The following MCC variants were observed in gnomAD, a reference collection of about 807,000 sequenced individuals.
MCC encodes colorectal mutant cancer protein.
In MCC, 90 loss-of-function variants were observed where a neutral mutation model predicts 116.2. That is an observed-to-expected ratio of 0.77 (90% CI 0.65 to 0.92). The LOEUF (loss-of-function observed/expected upper bound fraction) is 0.92. Ranked by LOEUF, MCC falls within the 40% of genes least tolerant of loss-of-function variation. The pLI, the probability that MCC is intolerant of heterozygous loss-of-function variation, is 0.00. For synonymous variants in MCC, 578 were observed against 510.5 expected (o/e 1.13, Z -1.78); for missense variants, 1,516 against 1,312.2 (o/e 1.16, Z -2.40).
At chr5:113,383,720 A>T (rs995477439) in intron 2 of MCC, among the ~76,000 whole-genome samples, 6 of 152,138 alleles carry the variant, frequency 3.9e-5, no homozygotes, top group Non-Finnish European at 8.8e-5. Flanking sequence ...AAGTATTTCT[A>T]CATATTATGT....
chr5:113,430,725 T>C (rs747639529), intron 1 of MCC, among the ~76,000 whole-genome samples: 1 of 152,124 alleles, frequency 6.6e-6, no homozygotes, highest in Non-Finnish European at 1.5e-5. Flanking sequence ...TCTGGTTGAA[T>C]GTGAAAAATA....
chr5:113,354,782 G>GTATTAT lies in MCC; in HGVS notation c.416-14058_416-14053dup, dbSNP rs753455923. 4.4e-4 allele frequency among the ~76,000 whole-genome samples: 31 copies of GTATTAT among 70,838 alleles called. No individual in the cohort carries two copies. In the East Asian group the frequency reaches 5.5e-3, roughly 13 times the overall value. 46.5% of individuals were successfully genotyped at this position (70,838 alleles called of 152,430 possible). On this transcript the variant is annotated intron_variant, in intron 2 of 18. Coordinates refer to ENST00000408903, the MANE Select transcript of MCC (RefSeq NM_001085377.2). ...TGTACTATGATCAACCATATACCCTGTATTATTATTATTATTATTATTATT... is the reference window on the plus strand; with the variant it reads ...TGTACTATGATCAACCATATACCCTGTATTATTATTATTATTATTATTATTATTATT...
At chr5:113,474,295 A>T (rs1259629703) in intron 1 of MCC, among the ~76,000 whole-genome samples, 1 of 152,198 alleles carries the variant, frequency 6.6e-6, no homozygotes, top group Non-Finnish European at 1.5e-5. Context: ...GCAAGGTACT[A>T]GGGCATCAGG....
intron 3 of MCC, among the ~76,000 whole-genome samples, chr5:113,320,225 C>A (rs1372488340): frequency 6.6e-6 from 1 of 151,962 alleles, no homozygotes; most frequent in Non-Finnish European, 1.5e-5. Flanking sequence ...CCAGAAAAAA[C>A]CCACATTCAT....
At chr5:113,063,913 T>G (rs1753397127) in intron 14 of MCC, 71 bp downstream of exon 14, 1 of 1,508,370 alleles carries the variant, frequency 6.6e-7, no homozygotes, top group African/African-American at 1.4e-5. Flanking sequence ...GCTGGGTCAC[T>G]GCACACCAAG....
intron 5 of MCC, among the ~76,000 whole-genome samples, chr5:113,125,034 A>C (rs76938879): frequency 0.061 from 9,240 of 152,312 alleles, 353 homozygotes; most frequent in East Asian, 0.11. Context: ...GGGAACGTGC[A>C]GAACTTGGAG....
intron 3 of MCC, among the ~76,000 whole-genome samples, chr5:113,330,280 T>C (rs1480214802): frequency 1.3e-5 from 2 of 152,244 alleles, no homozygotes; most frequent in Non-Finnish European, 2.9e-5. Flanking sequence ...TCCTGAATCA[T>C]TCTTTGCTCA....
intron 1 of MCC, among the ~76,000 whole-genome samples, chr5:113,470,321 A>C (rs1359251995): frequency 6.6e-6 from 1 of 151,914 alleles, no homozygotes; most frequent in Non-Finnish European, 1.5e-5. Context: ...GGCTGGTACC[A>C]GTTGTTCCTT....
chr5:113,319,552 A>C (rs187023000), intron 3 of MCC, among the ~76,000 whole-genome samples: 167 of 152,344 alleles, frequency 1.1e-3, no homozygotes, highest in African/African-American at 3.9e-3. Context: ...GAGCTGGACC[A>C]AGAGAAGATG....
intron 2 of MCC, among the ~76,000 whole-genome samples, chr5:113,349,164 A>T (rs997050573): frequency 5.9e-5 from 9 of 152,090 alleles, no homozygotes; most frequent in Non-Finnish European, 2.9e-5. Context: ...TGTTCAAAAA[A>T]ATAGAGGAGG....
At position 113,388,258 on chromosome 5, in the gene MCC, G is replaced by A. The variant is rs76831334; in HGVS notation, c.171-3046C>T. Among the ~76,000 whole-genome samples, 186 of 152,284 alleles carry A rather than the reference G, an allele frequency of 1.2e-3. 1 individual carries two copies. The highest frequency in any genetic ancestry group is 4.1e-3 in the African/African-American group (172 of 41,554). On this transcript the variant is annotated intron_variant, in intron 1 of 18. Coordinates refer to ENST00000408903, the MANE Select transcript of MCC (RefSeq NM_001085377.2). Reference sequence around the variant, plus strand: ...TCTACCAAATTAAGTCAAATTGTAAGTTTTAAATAGAAGTACTAGTTTTTA... The same window carrying A: ...TCTACCAAATTAAGTCAAATTGTAAATTTTAAATAGAAGTACTAGTTTTTA...
intron 3 of MCC, among the ~76,000 whole-genome samples, chr5:113,190,955 A>T (rs1762125077): frequency 6.6e-6 from 1 of 152,222 alleles, no homozygotes; most frequent in South Asian, 2.1e-4. Flanking sequence ...GATGGAGTGG[A>T]GGGCAGAGCA....
chr5:113,055,500 G>A (rs1240432544), intron 14 of MCC, among the ~76,000 whole-genome samples: 2 of 152,218 alleles, frequency 1.3e-5, no homozygotes, highest in Non-Finnish European at 2.9e-5. Flanking sequence ...CTGTTCACAG[G>A]AGGAAGAGGC....
At chr5:113,093,488 TCTCA>T (rs1388547563) in intron 8 of MCC, among the ~76,000 whole-genome samples, 7 of 151,908 alleles carry the variant, frequency 4.6e-5, no homozygotes, top group East Asian at 1.9e-4. Flanking sequence ...TCTCTCTCTC[TCTCA>T]ATCAATCCAA....
chr5:113,488,411 T>C lies in MCC; in HGVS notation c.4A>G (p.Met2Val). The change falls in exon 1 of 19, where the codon ATG (methionine) becomes GTG (valine). Residue 2 changes from methionine (M) to valine (V), a missense_variant. Met to Val is a conservative substitution (Grantham distance 21, BLOSUM62 1). Transcript: ENST00000408903. ...GCAGCCGCTGCCGCCGCGGCCGCCA[T>C]CATGCGCCCGCTCCCTACTTGGGAG... M[M>V]AAAAAAAAGS... The C allele has an allele frequency of 7.1e-7, 1 of 1,398,702 alleles. No individual in the cohort carries two copies. The allele number at this position is 1,398,702 out of a possible 1,614,324, so 86.6% of individuals were successfully genotyped here.
At chr5:113,382,162 C>A (rs1159601708) in intron 2 of MCC, among the ~76,000 whole-genome samples, 1 of 152,010 alleles carries the variant, frequency 6.6e-6, no homozygotes, top group Non-Finnish European at 1.5e-5. Context: ...CCCTCCACCC[C>A]CAGAAGGGAG....
chr5:113,453,168 A>G (rs1346675571), intron 1 of MCC, among the ~76,000 whole-genome samples: 5 of 152,120 alleles, frequency 3.3e-5, no homozygotes, highest in East Asian at 1.9e-4. Context: ...TGGTCACCCA[A>G]TTAAACCCTG....
intron 6 of MCC, among the ~76,000 whole-genome samples, chr5:113,110,777 G>A (rs1280134599): frequency 6.6e-6 from 1 of 152,196 alleles, no homozygotes; most frequent in Non-Finnish European, 1.5e-5. Context: ...TATGGGATAG[G>A]GCTATGGTGT....
At chr5:113,281,980 A>G (rs1766063509) in intron 3 of MCC, among the ~76,000 whole-genome samples, 1 of 152,216 alleles carries the variant, frequency 6.6e-6, no homozygotes, top group South Asian at 2.1e-4. Flanking sequence ...GCACTGTGAT[A>G]ATCACTATAT....
Sources: gnomAD v4.1 joint callset for allele counts (sites outside exome capture counted in the v4.1 genomes callset) on GRCh38, gnomAD v4.1.1 for gene constraint, MANE v1.5 for transcripts, NCBI Gene and HGNC (gene_info 2026-07-23, HGNC 2026-07-21) for gene names.